The following ANKS1A variants were observed in gnomAD, a reference collection of about 807,000 sequenced individuals.
The protein encoded by ANKS1A is ankyrin repeat and sterile alpha motif domain containing 1A.
ANKS1A carries 55 observed loss-of-function variants against 120.3 expected under a neutral mutation model. That is an observed-to-expected ratio of 0.46 (90% CI 0.37 to 0.57). ANKS1A has a LOEUF of 0.57. Among genes scored for constraint, ANKS1A ranks in the 20% least tolerant of loss-of-function variants. ANKS1A has a pLI of 0.00. For synonymous variants in ANKS1A, 590 were observed against 604.7 expected (o/e 0.98, Z 0.36); for missense variants, 1,123 against 1,480.3 (o/e 0.76, Z 3.96).
chr6:34,993,494 A>G (rs890638099), intron 9 of ANKS1A, among the ~76,000 whole-genome samples: 1 of 152,328 alleles, frequency 6.6e-6, no homozygotes, highest in East Asian at 1.9e-4. Flanking sequence ...TTCCCCCTCC[A>G]CACTGAAATT....
intron 1 of ANKS1A, among the ~76,000 whole-genome samples, chr6:34,955,700 C>T (rs1039839485): frequency 6.6e-6 from 1 of 152,088 alleles, no homozygotes; most frequent in Admixed American, 6.5e-5. Context: ...AGCACATCCT[C>T]CAGTCATTTC....
At chr6:35,034,883 C>T (rs1253585896) in intron 11 of ANKS1A, among the ~76,000 whole-genome samples, 1 of 152,148 alleles carries the variant, frequency 6.6e-6, no homozygotes, top group Non-Finnish European at 1.5e-5. Flanking sequence ...GACTTGATCA[C>T]GAATCCTGGC....
chr6:34,982,670 T>G lies in ANKS1A; in HGVS notation c.733-82T>G. The G allele has an allele frequency of 7.4e-7, 1 of 1,354,560 alleles. No homozygotes were observed. The highest frequency in any genetic ancestry group is 1.1e-6 in the Non-Finnish European group (1 of 944,274). The allele number at this position is 1,354,560 out of a possible 1,614,324, so 83.9% of individuals were successfully genotyped here. Reference sequence around the variant, plus strand: ...AGTTTGTTTTATTTTGTGTCCCTTCTTGTCTGTGTCCCCTTTGTCACGTGA... The same window carrying G: ...AGTTTGTTTTATTTTGTGTCCCTTCGTGTCTGTGTCCCCTTTGTCACGTGA... On this transcript the variant is annotated intron_variant, in intron 4 of 23. Coordinates refer to ENST00000360359, the MANE Select transcript of ANKS1A (RefSeq NM_015245.3). This position sits in a 1 kb window ranked among gnomAD's most constrained non-coding sequence, Gnocchi z 4.9.
chr6:35,011,593 T>A (rs1021162131), intron 10 of ANKS1A, among the ~76,000 whole-genome samples: 1 of 152,170 alleles, frequency 6.6e-6, no homozygotes, highest in Non-Finnish European at 1.5e-5. Flanking sequence ...TACAGATGGC[T>A]CCTAATCTGA....
chr6:34,968,960 T>G (rs1052971018), intron 2 of ANKS1A, among the ~76,000 whole-genome samples: 1 of 152,234 alleles, frequency 6.6e-6, no homozygotes, highest in Admixed American at 6.5e-5. Context: ...TCTGTAGCCA[T>G]CTTAGATATA....
In ANKS1A at chr6:34,938,871, C is replaced by G. The variant is rs374460939; in HGVS notation, c.198-28368C>G. Among the ~76,000 whole-genome samples, 340 of 152,298 alleles carry G rather than the reference C, an allele frequency of 2.2e-3. 1 individual carries two copies. The highest frequency in any genetic ancestry group is 7.7e-3 in the African/African-American group (319 of 41,558). ...GGCGTGGTGGCGCACGCCTGTAATC[C>G]CACCTACGCGGACGGCTGAGGCAGG... is the stretch of plus-strand genomic sequence containing the variant. On this transcript the variant is annotated intron_variant, in intron 1 of 23. Transcript: ENST00000360359.
intron 11 of ANKS1A, among the ~76,000 whole-genome samples, chr6:35,027,239 C>T (rs952657659): frequency 2.0e-5 from 3 of 152,282 alleles, no homozygotes; most frequent in Admixed American, 2.0e-4. Flanking sequence ...GGGTATGCCA[C>T]CACCACTTGG....
chr6:35,011,572 C>T (rs894073834), intron 10 of ANKS1A, among the ~76,000 whole-genome samples: 10 of 152,096 alleles, frequency 6.6e-5, no homozygotes, highest in African/African-American at 2.4e-4. Flanking sequence ...ACCTATGGGC[C>T]CCAAGGTGAG....
At chr6:34,905,381 T>C (rs1023342855) in intron 1 of ANKS1A, among the ~76,000 whole-genome samples, 3 of 152,224 alleles carry the variant, frequency 2.0e-5, no homozygotes, top group Admixed American at 6.5e-5. Context: ...CAGCCCATAC[T>C]GTAGTATTTG....
chr6:35,085,725 T>C lies in ANKS1A; in HGVS notation c.3133-41T>C. 1 of 1,540,528 alleles carries C rather than the reference T, an allele frequency of 6.5e-7. No individual in the cohort carries two copies. The highest frequency in any genetic ancestry group is 1.3e-5 in the South Asian group (1 of 79,138). ...AAGGGCATATCCAGTGTGAAGCGGC[T>C]CCTGAACCAGGTGCTTAAGTGGTGA... is the stretch of plus-strand genomic sequence containing the variant. On this transcript the variant is annotated intron_variant, in intron 21 of 23. Coordinates refer to ENST00000360359, the MANE Select transcript of ANKS1A (RefSeq NM_015245.3). This position sits in a 1 kb window ranked among gnomAD's most constrained non-coding sequence, Gnocchi z 4.7.
At chr6:34,928,238 A>G (rs1054994452) in intron 1 of ANKS1A, among the ~76,000 whole-genome samples, 2 of 152,038 alleles carry the variant, frequency 1.3e-5, no homozygotes, top group East Asian at 1.9e-4. Flanking sequence ...GCTATTTCCA[A>G]TCTCTGCGTA....
intron 11 of ANKS1A, among the ~76,000 whole-genome samples, chr6:35,035,059 A>G (rs1349809630): frequency 6.6e-6 from 1 of 152,256 alleles, no homozygotes; most frequent in African/African-American, 2.4e-5. Context: ...ACAGGAAGAA[A>G]GGCGTTGGCT....
chr6:35,091,280 A>G lies in ANKS1A; in HGVS notation c.*2671A>G, dbSNP rs1468001615. 2 of 985,918 alleles carry G rather than the reference A, an allele frequency of 2.0e-6. No homozygotes were observed. Among genetic ancestry groups the G allele is most frequent in the Non-Finnish European group, 2.4e-6 (2 of 829,956 alleles). The allele number at this position is 985,918 out of a possible 1,614,324, so 61.1% of individuals were successfully genotyped here. On this transcript the variant is annotated 3_prime_UTR_variant, in exon 24 of 24. Transcript: ENST00000360359. The stretch of plus-strand genomic sequence containing the variant: ...AAACATAACCAATCTGTGCAACAAC[A>G]TAGACTGACCTCAGTACCCAAGAGA...
intron 1 of ANKS1A, among the ~76,000 whole-genome samples, chr6:34,927,838 G>C (rs1318570106): frequency 1.3e-5 from 2 of 152,152 alleles, no homozygotes; most frequent in Non-Finnish European, 2.9e-5. Context: ...AGCTGGTTAA[G>C]GGAAGGTTTA....
chr6:35,063,285 A>C (rs1218007156), intron 13 of ANKS1A, among the ~76,000 whole-genome samples: 1 of 152,196 alleles, frequency 6.6e-6, no homozygotes, highest in African/African-American at 2.4e-5. Context: ...AATCTTATCC[A>C]CAGGAAATGG....
At chr6:35,007,549 A>G (rs1329225825) in intron 10 of ANKS1A, among the ~76,000 whole-genome samples, 1 of 152,196 alleles carries the variant, frequency 6.6e-6, no homozygotes, top group Non-Finnish European at 1.5e-5. Flanking sequence ...TGTTCTGGAC[A>G]TATTACCACT....
In ANKS1A at chr6:35,089,877, C is replaced by A; in HGVS notation, c.*1268C>A. Reference sequence around the variant, plus strand: ...TGTGGGCACTTTAGCAGGCTCCGAGCTTTCCTGGCATAGGTCAATCAGGTC... The same window carrying A: ...TGTGGGCACTTTAGCAGGCTCCGAGATTTCCTGGCATAGGTCAATCAGGTC... On this transcript the variant is annotated 3_prime_UTR_variant, in exon 24 of 24. Transcript: ENST00000360359. The A allele has an allele frequency of 9.1e-7, 1 of 1,099,814 alleles. No homozygotes were observed. Among genetic ancestry groups the A allele is most frequent in the Non-Finnish European group, 1.1e-6 (1 of 896,328 alleles). 68.1% of individuals were successfully genotyped at this position (1,099,814 alleles called of 1,614,324 possible).
At chr6:34,907,279 G>A (rs540190113) in intron 1 of ANKS1A, among the ~76,000 whole-genome samples, 10 of 152,184 alleles carry the variant, frequency 6.6e-5, no homozygotes, top group South Asian at 4.1e-4. Context: ...CTGTAGTTTA[G>A]TTAAGAGTAT....
intron 13 of ANKS1A, among the ~76,000 whole-genome samples, chr6:35,065,122 G>A (rs1776703368): frequency 6.6e-6 from 1 of 152,166 alleles, no homozygotes; most frequent in Admixed American, 6.5e-5. Flanking sequence ...CCTTGGTCTC[G>A]GGAGCCTGAC....
Sources: allele counts gnomAD v4.1 joint callset (sites outside exome capture counted in the v4.1 genomes callset), GRCh38; gene constraint gnomAD v4.1.1; non-coding constraint Gnocchi (gnomAD v3.1); transcripts MANE v1.5; gene names NCBI Gene and HGNC (gene_info 2026-07-23, HGNC 2026-07-21).